Variants in FRYL observed in about 807,000 individuals in gnomAD.
The protein encoded by FRYL is protein furry homolog-like.
FRYL carries 150 observed loss-of-function variants against 351.2 expected under a neutral mutation model. The observed-to-expected ratio is 0.43, with a 90% CI of 0.37 to 0.49. The LOEUF (loss-of-function observed/expected upper bound fraction) is 0.49. Among genes scored for constraint, FRYL ranks in the 20% least tolerant of loss-of-function variants. FRYL has a pLI of 0.00. For synonymous variants in FRYL, 1,153 were observed against 1,257.1 expected (o/e 0.92, Z 1.75); for missense variants, 3,036 against 3,619.3 (o/e 0.84, Z 4.13).
chr4:48,612,525 T>A (rs953222744), intron 7 of FRYL, among the ~76,000 whole-genome samples: 1 of 151,672 alleles, frequency 6.6e-6, no homozygotes, highest in African/African-American at 2.4e-5. Flanking sequence ...TGTGTGTGTG[T>A]GACACCACAT....
intron 1 of FRYL, among the ~76,000 whole-genome samples, chr4:48,774,467 T>G (rs190203344): frequency 6.6e-6 from 1 of 152,230 alleles, no homozygotes; most frequent in African/African-American, 2.4e-5. Context: ...ATATAAAGAC[T>G]GAATGGGAAA....
chr4:48,742,261 G>A (rs1487457284), intron 1 of FRYL, among the ~76,000 whole-genome samples: 1 of 152,078 alleles, frequency 6.6e-6, no homozygotes. Flanking sequence ...TTAATTTTTA[G>A]TAGCATGAAG....
At chr4:48,525,196 T>TATATACAC (rs759279145) in intron 53 of FRYL, among the ~76,000 whole-genome samples, 10 of 133,078 alleles carry the variant, frequency 7.5e-5, no homozygotes, top group East Asian at 2.2e-4. Context: ...TATATATATA[T>TATATACAC]ACACACACTT....
In FRYL at chr4:48,586,610, T is replaced by C; in HGVS notation, c.1748+11A>G. On this transcript the variant is annotated intron_variant, in intron 19 of 63. Coordinates refer to ENST00000358350, the MANE Select transcript of FRYL (RefSeq NM_015030.2). ...CATAAAACAATATAGCAAACAGTAA[T>C]TCTCATTTACCTTGCTAACAATTCA... 1 of 1,559,622 alleles carries C rather than the reference T, an allele frequency of 6.4e-7. No homozygotes were observed. Among genetic ancestry groups the C allele is most frequent in the Non-Finnish European group, 8.8e-7 (1 of 1,131,276 alleles).
intron 10 of FRYL, 66 bp from the exon 11 acceptor site, chr4:48,605,899 A>C: frequency 1.0e-6 from 1 of 974,460 alleles, no homozygotes; most frequent in Non-Finnish European, 1.6e-6. Flanking sequence ...TTGTAATATC[A>C]CATCATTTTG....
intron 50 of FRYL, among the ~76,000 whole-genome samples, chr4:48,528,667 A>C (rs1414326253): frequency 6.6e-6 from 1 of 152,174 alleles, no homozygotes; most frequent in Non-Finnish European, 1.5e-5. Context: ...AGAAAATGTA[A>C]AAAAGATTTA....
chr4:48,570,847 A>G lies in FRYL; in HGVS notation c.2976T>C (p.Asp992=). The change falls in exon 27 of 64, where the codon GAT becomes GAC. Residue 992 remains aspartate (D), a synonymous_variant. Transcript: ENST00000358350. ...QLVRIFELLA[D]AGVISHSASG... is the part of the protein sequence containing the mutation. ...CTGACCTGTGACTAATGACACCAGC[A>G]TCTGCCAGCAGTTCAAATATTCGTA... 1 of 1,613,410 alleles carries G rather than the reference A, an allele frequency of 6.2e-7. No individual in the cohort carries two copies. The highest frequency in any genetic ancestry group is 8.5e-7 in the Non-Finnish European group (1 of 1,179,322).
intron 57 of FRYL, among the ~76,000 whole-genome samples, chr4:48,511,682 T>C (rs1300357376): frequency 2.6e-5 from 4 of 152,288 alleles, no homozygotes; most frequent in Middle Eastern, 3.4e-3. Flanking sequence ...CAAGTAGTGA[T>C]GCAATAAGTA....
chr4:48,512,330 G>C, intron 57 of FRYL, 151 bp downstream of exon 57: 1 of 598,500 alleles, frequency 1.7e-6, no homozygotes, highest in South Asian at 2.1e-5. Flanking sequence ...CAATGTCACA[G>C]TGTCAATGTA....
intron 16 of FRYL, among the ~76,000 whole-genome samples, chr4:48,591,904 A>G (rs1743328024): frequency 2.0e-5 from 3 of 151,514 alleles, no homozygotes; most frequent in African/African-American, 7.3e-5. Context: ...CCTTGCCCCC[A>G]GATTTGATTC....
intron 1 of FRYL, among the ~76,000 whole-genome samples, chr4:48,763,202 T>A (rs570946457): frequency 5.3e-5 from 8 of 151,024 alleles, no homozygotes; most frequent in Non-Finnish European, 1.2e-4. Flanking sequence ...GGCTCATGCC[T>A]CTAATTCCAA....
intron 47 of FRYL, among the ~76,000 whole-genome samples, chr4:48,537,441 A>G (rs1175387363): frequency 6.6e-6 from 1 of 152,220 alleles, no homozygotes; most frequent in East Asian, 1.9e-4. Context: ...TATTTGTCCT[A>G]AGTGTTGCCT....
intron 23 of FRYL, among the ~76,000 whole-genome samples, chr4:48,578,144 T>G (rs1371179428): frequency 6.6e-6 from 1 of 151,600 alleles, no homozygotes; most frequent in Non-Finnish European, 1.5e-5. Context: ...GCTCACAAAA[T>G]GGAAACTATC....
At chr4:48,610,237 CTA>C in intron 7 of FRYL, among the ~76,000 whole-genome samples, 1 of 152,180 alleles carries the variant, frequency 6.6e-6, no homozygotes. Context: ...ACAAGGGACA[CTA>C]TCTTTTCTAA....
intron 11 of FRYL, among the ~76,000 whole-genome samples, 172 bp downstream of exon 11, chr4:48,605,569 T>C (rs1391999605): frequency 1.3e-5 from 2 of 152,198 alleles, no homozygotes; most frequent in Non-Finnish European, 2.9e-5. Flanking sequence ...TAAAACATTG[T>C]ATGATCAACA....
chr4:48,678,731 A>C (rs983026918), intron 3 of FRYL, among the ~76,000 whole-genome samples: 1 of 152,100 alleles, frequency 6.6e-6, no homozygotes, highest in Non-Finnish European at 1.5e-5. Context: ...GAGTTATTCC[A>C]CAAAGAACCT....
intron 25 of FRYL, 45 bp from the exon 26 acceptor site, chr4:48,573,288 T>C (rs1224256336): frequency 1.0e-5 from 13 of 1,248,910 alleles, no homozygotes; most frequent in Non-Finnish European, 1.5e-5. Flanking sequence ...TACACAGATA[T>C]AATCTGACAC....
chr4:48,562,361 G>C (rs1735716656), intron 32 of FRYL, among the ~76,000 whole-genome samples: 2 of 152,164 alleles, frequency 1.3e-5, no homozygotes, highest in South Asian at 4.1e-4. Context: ...TTTGGAAAAA[G>C]CACCTACTTG....
chr4:48,767,543 G>A (rs1446141305), intron 1 of FRYL, among the ~76,000 whole-genome samples: 2 of 152,200 alleles, frequency 1.3e-5, no homozygotes, highest in Non-Finnish European at 2.9e-5. Context: ...ATTATGCTAA[G>A]TGAAATAAAT....
Sources: gnomAD v4.1 joint callset for allele counts (sites outside exome capture counted in the v4.1 genomes callset) on GRCh38, gnomAD v4.1.1 for gene constraint, MANE v1.5 for transcripts, NCBI Gene and HGNC (gene_info 2026-07-23, HGNC 2026-07-21) for gene names.